RBMS3: variants seen among roughly 807,000 people sequenced by gnomAD.
RBMS3 encodes the protein RNA binding motif single stranded interacting protein 3.
Under a neutral mutation model 66.8 loss-of-function variants are expected in RBMS3, and 27 were observed. The observed-to-expected ratio is 0.40, with a 90% CI of 0.30 to 0.56. The LOEUF is 0.56. RBMS3 is among the 20% of genes least tolerant of loss of function. The pLI is 0.40. For missense variants in RBMS3, 513 were observed against 549.5 expected, an observed-to-expected ratio of 0.93 and a Z score of 0.66; for synonymous variants, 188 against 183.0, an observed-to-expected ratio of 1.03 and a Z score of -0.22.
chr3:29,827,201 C>G (rs545861749), intron 6 of RBMS3, among the ~76,000 whole-genome samples: 47 of 152,258 alleles, frequency 3.1e-4, no homozygotes, highest in Non-Finnish European at 5.7e-4. Flanking sequence ...CATACAGTAA[C>G]AGATTTCAGA....
At chr3:29,757,264 G>A (rs2055461950) in intron 5 of RBMS3, among the ~76,000 whole-genome samples, 1 of 152,156 alleles carries the variant, frequency 6.6e-6, no homozygotes, top group Non-Finnish European at 1.5e-5. Flanking sequence ...TCAGCAACCT[G>A]AGAAAAAGAC....
At chr3:29,303,555 T>C (rs770915661) in intron 1 of RBMS3, among the ~76,000 whole-genome samples, 29 of 152,036 alleles carry the variant, frequency 1.9e-4, no homozygotes, top group Non-Finnish European at 3.7e-4. Flanking sequence ...TTTTAACTTT[T>C]ATAGCCTAGG....
intron 13 of RBMS3, among the ~76,000 whole-genome samples, chr3:29,990,146 G>C (rs12639551): frequency 0.12 from 17,561 of 152,022 alleles, 1,232 homozygotes; most frequent in East Asian, 0.25. Context: ...TATCTATAAA[G>C]GTGGGAGGTT....
In RBMS3 at chr3:29,643,144, CTGTT is replaced by C. The variant is rs375950957; in HGVS notation, c.399+55944_399+55947del. On this transcript the variant is annotated intron_variant, in intron 4 of 14. Transcript: ENST00000383767. ...AAAAGGCTCCTCGCTGTGTCAGTCT[CTGTT>C]TGTTATTTTGGGGCATGACAGTTAT... Among the ~76,000 whole-genome samples the C allele has an allele frequency of 4.2e-3, 632 of 152,194 alleles. 7 individuals carry two copies. The highest frequency in any genetic ancestry group is 0.015 in the African/African-American group (608 of 41,520).
intron 3 of RBMS3, among the ~76,000 whole-genome samples, chr3:29,492,231 T>C (rs2043576802): frequency 6.6e-6 from 1 of 152,134 alleles, no homozygotes; most frequent in South Asian, 2.1e-4. Flanking sequence ...CTACTATCCC[T>C]TTCATGTTTT....
chr3:29,625,552 G>T (rs1429791216), intron 4 of RBMS3, among the ~76,000 whole-genome samples: 3 of 151,926 alleles, frequency 2.0e-5, no homozygotes, highest in Non-Finnish European at 4.4e-5. Flanking sequence ...AACTAACTGG[G>T]CTGGGTGTGG....
chr3:29,536,640 C>T (rs2045567842), intron 3 of RBMS3, among the ~76,000 whole-genome samples: 1 of 152,180 alleles, frequency 6.6e-6, no homozygotes, highest in Admixed American at 6.5e-5. Flanking sequence ...AGCCGTATTG[C>T]ACAGCAGTAC....
At chr3:29,598,290 T>A (rs2048025656) in intron 4 of RBMS3, among the ~76,000 whole-genome samples, 1 of 152,060 alleles carries the variant, frequency 6.6e-6, no homozygotes, top group Non-Finnish European at 1.5e-5. Flanking sequence ...TCATTAAAAC[T>A]GTGTACCCAG....
At chr3:29,624,718 A>G (rs1425910567) in intron 4 of RBMS3, among the ~76,000 whole-genome samples, 3 of 152,224 alleles carry the variant, frequency 2.0e-5, no homozygotes, top group African/African-American at 7.2e-5. Flanking sequence ...GAGCACATAT[A>G]TGAGCATAAA....
chr3:29,308,625 A>C (rs941053417), intron 1 of RBMS3, among the ~76,000 whole-genome samples: 3 of 151,704 alleles, frequency 2.0e-5, no homozygotes, highest in Non-Finnish European at 2.9e-5. Context: ...GTGCGATTTG[A>C]TATGAATTTT....
chr3:29,751,721 G>A (rs1559635164), intron 5 of RBMS3, among the ~76,000 whole-genome samples: 1 of 152,180 alleles, frequency 6.6e-6, no homozygotes, highest in Non-Finnish European at 1.5e-5. Context: ...CACTTGAGCT[G>A]GTTTTGAGAC....
chr3:29,664,679 TAA>T (rs557734841), intron 4 of RBMS3, among the ~76,000 whole-genome samples: 3,374 of 143,444 alleles, frequency 0.024, 50 homozygotes, highest in Admixed American at 0.035. Flanking sequence ...CTCAGATGAT[TAA>T]AAAAAAAAAA....
At position 29,339,364 on chromosome 3, in the gene RBMS3, C is replaced by T. The variant is rs558841691; in HGVS notation, c.75+57608C>T. On this transcript the variant is annotated intron_variant, in intron 1 of 14. Transcript: ENST00000383767. Reference sequence around the variant, plus strand: ...GAAATCAGTTGTTCTCTCAGTGTTTCGTGTGCTGGTCTGAGCACCAGGAAG... The same window carrying T: ...GAAATCAGTTGTTCTCTCAGTGTTTTGTGTGCTGGTCTGAGCACCAGGAAG... 3.3e-5 allele frequency among the ~76,000 whole-genome samples: 5 copies of T among 152,252 alleles called. No homozygotes were observed. In the South Asian group the frequency reaches 1.0e-3, roughly 32 times the overall value.
At chr3:29,675,078 A>T (rs1439881665) in intron 4 of RBMS3, among the ~76,000 whole-genome samples, 1 of 152,186 alleles carries the variant, frequency 6.6e-6, no homozygotes, top group Non-Finnish European at 1.5e-5. Context: ...CAAAACAGAG[A>T]TATAGACCAA....
chr3:29,624,770 A>G (rs1009173867), intron 4 of RBMS3, among the ~76,000 whole-genome samples: 2 of 152,206 alleles, frequency 1.3e-5, no homozygotes, highest in African/African-American at 4.8e-5. Flanking sequence ...AATTTTCAGT[A>G]TATGATGATA....
chr3:29,534,661 T>C (rs1038044383), intron 3 of RBMS3, among the ~76,000 whole-genome samples: 1 of 152,228 alleles, frequency 6.6e-6, no homozygotes, highest in African/African-American at 2.4e-5. Flanking sequence ...TTTTGGATCA[T>C]GAAGATATTT....
rs1278189566 is a variant in RBMS3, at chr3:29,762,905, C to T, written c.558-5C>T. 2.5e-6 allele frequency: 4 copies of T among 1,587,836 alleles called. No individual in the cohort carries two copies. The highest frequency in any genetic ancestry group is 1.4e-5 in the African/African-American group (1 of 73,234). On this transcript the variant is annotated splice_region_variant and splice_polypyrimidine_tract_variant and intron_variant, in intron 5 of 14. Coordinates refer to ENST00000383767, the MANE Select transcript of RBMS3 (RefSeq NM_001003793.3). Reference sequence around the variant, plus strand: ...TATGACCTCTGGTTTACCTTTTTTTCCCAGAATGGAGTCTACTGAAAAATG... The same window carrying T: ...TATGACCTCTGGTTTACCTTTTTTTTCCAGAATGGAGTCTACTGAAAAATG...
chr3:29,520,458 T>G (rs2044812819), intron 3 of RBMS3, among the ~76,000 whole-genome samples: 2 of 152,148 alleles, frequency 1.3e-5, no homozygotes, highest in Admixed American at 6.5e-5. Context: ...GAAATACTGG[T>G]TTTTCGTTAG....
At chr3:29,879,350 C>A (rs1169442656) in intron 7 of RBMS3, among the ~76,000 whole-genome samples, 1 of 152,052 alleles carries the variant, frequency 6.6e-6, no homozygotes, top group African/African-American at 2.4e-5. Context: ...CCTTTTTATA[C>A]ATAATTTTTA....
Sources: allele counts gnomAD v4.1 joint callset (sites outside exome capture counted in the v4.1 genomes callset), GRCh38; gene constraint gnomAD v4.1.1; transcripts MANE v1.5; gene names NCBI Gene and HGNC (gene_info 2026-07-23, HGNC 2026-07-21).